ATRNL1: variants seen among roughly 807,000 people sequenced by gnomAD.
ATRNL1 encodes attractin-like protein 1.
In ATRNL1, 95 loss-of-function variants were observed where a neutral mutation model predicts 182.7. The observed-to-expected ratio is 0.52, with a 90% CI of 0.44 to 0.62. The LOEUF (loss-of-function observed/expected upper bound fraction) is 0.62. Among genes scored for constraint, ATRNL1 ranks in the 20% least tolerant of loss-of-function variants. ATRNL1 has a pLI of 0.00. For missense variants in ATRNL1, 1,471 were observed against 1,679.5 expected (o/e 0.88, Z 2.17); for synonymous variants, 576 against 568.3 (o/e 1.01, Z -0.19).
chr10:115,503,739 G>C (rs1023512081), intron 24 of ATRNL1, among the ~76,000 whole-genome samples: 1 of 150,956 alleles, frequency 6.6e-6, no homozygotes, highest in African/African-American at 2.5e-5. Context: ...TACCCAGACT[G>C]TTCATGACAT....
At chr10:115,426,805 A>T (rs970162198) in intron 21 of ATRNL1, among the ~76,000 whole-genome samples, 6 of 151,850 alleles carry the variant, frequency 4.0e-5, no homozygotes, top group Non-Finnish European at 7.4e-5. Context: ...GTTCACTGCA[A>T]CCCCTGCCTC....
At chr10:115,650,508 A>G (rs1450625571) in intron 26 of ATRNL1, among the ~76,000 whole-genome samples, 3 of 152,126 alleles carry the variant, frequency 2.0e-5, no homozygotes, top group Non-Finnish European at 2.9e-5. Flanking sequence ...TTGATACCTA[A>G]TGAAATGGTA....
intron 26 of ATRNL1, among the ~76,000 whole-genome samples, chr10:115,604,035 G>A (rs1856752527): frequency 6.6e-6 from 1 of 151,986 alleles, no homozygotes. Context: ...TGCATATAAT[G>A]TGTCATTCTT....
intron 26 of ATRNL1, among the ~76,000 whole-genome samples, chr10:115,640,997 C>A (rs1256703541): frequency 6.6e-6 from 1 of 152,074 alleles, no homozygotes; most frequent in Non-Finnish European, 1.5e-5. Context: ...TATGGCTAGC[C>A]AGTTTTCCCA....
At chr10:115,207,869 C>A (rs1482418261) in intron 8 of ATRNL1, among the ~76,000 whole-genome samples, 1 of 151,890 alleles carries the variant, frequency 6.6e-6, no homozygotes, top group African/African-American at 2.4e-5. Context: ...TATTTTGTTG[C>A]ATTTCTCAGT....
intron 27 of ATRNL1, among the ~76,000 whole-genome samples, chr10:115,830,998 A>G (rs1950546891): frequency 6.6e-6 from 1 of 152,146 alleles, no homozygotes; most frequent in East Asian, 1.9e-4. Flanking sequence ...CCTTAGCCAC[A>G]TACATTCTCT....
At chr10:115,104,240 T>C (rs782046927) in intron 1 of ATRNL1, among the ~76,000 whole-genome samples, 4 of 152,188 alleles carry the variant, frequency 2.6e-5, no homozygotes, top group Admixed American at 6.5e-5. Context: ...GCTATTTAAC[T>C]GGAGTGAGAT....
chr10:115,727,386 T>G, intron 27 of ATRNL1, 31 bp downstream of exon 27: 1 of 1,526,786 alleles, frequency 6.5e-7, no homozygotes, highest in Non-Finnish European at 9.1e-7. Context: ...AGAGGACCAC[T>G]GTGCTTTGCA....
At chr10:115,908,631 A>C (rs1555115133) in intron 28 of ATRNL1, among the ~76,000 whole-genome samples, 2 of 152,172 alleles carry the variant, frequency 1.3e-5, no homozygotes, top group African/African-American at 4.8e-5. Context: ...GTACATGTGC[A>C]TCCTTGAGGG....
intron 8 of ATRNL1, 22 bp from the exon 9 acceptor site, chr10:115,215,675 A>T: frequency 1.3e-6 from 2 of 1,537,624 alleles, no homozygotes; most frequent in Non-Finnish European, 1.7e-6. Flanking sequence ...GAAATTTATA[A>T]TGTATTTTAT....
intron 27 of ATRNL1, among the ~76,000 whole-genome samples, chr10:115,785,095 A>G (rs1565376799): frequency 6.6e-6 from 1 of 152,230 alleles, no homozygotes; most frequent in Non-Finnish European, 1.5e-5. Flanking sequence ...TATAGGTAAG[A>G]CTGTGAGTAT....
At chr10:115,913,855 T>G (rs1241297140) in intron 28 of ATRNL1, among the ~76,000 whole-genome samples, 2 of 152,078 alleles carry the variant, frequency 1.3e-5, no homozygotes, top group African/African-American at 4.8e-5. Context: ...GATGTAGGTT[T>G]TGGGAATAGG....
At chr10:115,507,555 A>G (rs1850176360) in intron 24 of ATRNL1, among the ~76,000 whole-genome samples, 1 of 152,056 alleles carries the variant, frequency 6.6e-6, no homozygotes, top group Non-Finnish European at 1.5e-5. Context: ...ACTGATTTTC[A>G]TTTCAGCTTC....
chr10:115,153,268 G>A (rs372289098), intron 5 of ATRNL1, among the ~76,000 whole-genome samples: 26 of 152,108 alleles, frequency 1.7e-4, no homozygotes, highest in Admixed American at 9.2e-4. Flanking sequence ...TTTTCTATTG[G>A]TTGGAATAGT....
At chr10:115,605,989 CA>C (rs2133953547) in intron 26 of ATRNL1, among the ~76,000 whole-genome samples, 1 of 151,496 alleles carries the variant, frequency 6.6e-6, no homozygotes, top group South Asian at 2.1e-4. Context: ...GCATAATGAA[CA>C]AAAAATGTGG....
intron 20 of ATRNL1, among the ~76,000 whole-genome samples, chr10:115,416,428 C>T (rs911905341): frequency 5.3e-5 from 8 of 151,982 alleles, no homozygotes; most frequent in African/African-American, 1.9e-4. Context: ...TTAATATAAA[C>T]CACTTTAGAT....
intron 19 of ATRNL1, among the ~76,000 whole-genome samples, chr10:115,350,503 A>G (rs1856197110): frequency 6.6e-6 from 1 of 151,840 alleles, no homozygotes; most frequent in African/African-American, 2.4e-5. Flanking sequence ...ACAGGATATA[A>G]TTTTCTGAGC....
chr10:115,884,012 C>T (rs183724060), intron 28 of ATRNL1, among the ~76,000 whole-genome samples: 5 of 152,270 alleles, frequency 3.3e-5, no homozygotes, highest in Admixed American at 6.5e-5. Context: ...GAAAGAATTG[C>T]GTGCATTTAG....
chr10:115,351,206 C>T (rs1252340463), intron 19 of ATRNL1, among the ~76,000 whole-genome samples: 2 of 152,028 alleles, frequency 1.3e-5, no homozygotes, highest in Non-Finnish European at 2.9e-5. Flanking sequence ...GATAATTTTA[C>T]TTTCTCCTTT....
Sources: allele counts gnomAD v4.1 joint callset (sites outside exome capture counted in the v4.1 genomes callset), GRCh38; gene constraint gnomAD v4.1.1; transcripts MANE v1.5; gene names NCBI Gene and HGNC (gene_info 2026-07-23, HGNC 2026-07-21).